TBC1D21: variants seen among roughly 807,000 people sequenced by gnomAD.
TBC1D21 encodes the protein male germ cell Rab GTPase-activating protein.
TBC1D21 carries 38 observed loss-of-function variants against 46.0 expected under a neutral mutation model. The ratio of observed to expected loss-of-function variants is 0.83; its 90% CI spans 0.64 to 1.08. The LOEUF (loss-of-function observed/expected upper bound fraction) is 1.08. Among genes scored for constraint, TBC1D21 ranks in the 50% least tolerant of loss-of-function variants. The probability of loss-of-function intolerance (pLI) is 0.00; values close to 1 mark genes in which losing one functional copy is unlikely to be tolerated. For synonymous variants in TBC1D21, 151 were observed against 157.2 expected, an observed-to-expected ratio of 0.96 and a Z score of 0.29; for missense variants, 415 against 417.9, an observed-to-expected ratio of 0.99 and a Z score of 0.06.
At position 73,881,634 on chromosome 15, in the gene TBC1D21, C is replaced by A; in HGVS notation, c.169-10C>A. 1 of 1,613,040 alleles carries A rather than the reference C, an allele frequency of 6.2e-7. No homozygotes were observed. The highest frequency in any genetic ancestry group is 8.5e-7 in the Non-Finnish European group (1 of 1,179,298). The stretch of plus-strand genomic sequence containing the variant: ...GAGCCCATGACCTCCACCTCCCACC[C>A]CCACCCCAGGGTCTGCACCCCTTCG... On this transcript the variant is annotated splice_polypyrimidine_tract_variant and intron_variant, in intron 2 of 10. Transcript: ENST00000300504.
In TBC1D21 at chr15:73,888,412, T is replaced by A; in HGVS notation, c.895-18T>A. On this transcript the variant is annotated intron_variant, in intron 9 of 10. Transcript: ENST00000300504. The stretch of plus-strand genomic sequence containing the variant: ...TTGCCCCAGCCCCACCCACAACTGC[T>A]CCCACACTCCCATGCAGGCCTGCAA... 1 of 1,611,556 alleles carries A rather than the reference T, an allele frequency of 6.2e-7. No individual in the cohort carries two copies. The highest frequency in any genetic ancestry group is 8.5e-7 in the Non-Finnish European group (1 of 1,178,618).
At chr15:73,876,279 G>A (rs1313556399) in intron 1 of TBC1D21, among the ~76,000 whole-genome samples, 1 of 134,932 alleles carries the variant, frequency 7.4e-6, no homozygotes, top group Non-Finnish European at 1.5e-5. Flanking sequence ...CCAGGCTGGA[G>A]TGCAGTGGTG....
rs114151228 is a variant in TBC1D21 at position 73,878,064 on chromosome 15, A to T, written c.61-3335A>T. ...TCAACATTGCACTTGAGTTCTAGCC[A>T]GTGCAGTAAAACAAGAAAAAATAAA... On this transcript the variant is annotated intron_variant, in intron 1 of 10. Coordinates refer to ENST00000300504, the MANE Select transcript of TBC1D21 (RefSeq NM_153356.3). Among the ~76,000 whole-genome samples the T allele has an allele frequency of 6.3e-3, 956 of 152,372 alleles. 13 individuals are homozygous for T. The highest frequency in any genetic ancestry group is 0.022 in the African/African-American group (922 of 41,590).
the TBC1D21 span, among the ~76,000 whole-genome samples, chr15:73,903,392 A>G: frequency 6.6e-6 from 1 of 152,088 alleles, no homozygotes; most frequent in African/African-American, 2.4e-5. Context: ...CAGATTTCCC[A>G]CCCCTCAATG....
intron 1 of TBC1D21, among the ~76,000 whole-genome samples, chr15:73,880,867 T>G (rs1362315324): frequency 1.3e-5 from 2 of 152,250 alleles, no homozygotes; most frequent in African/African-American, 4.8e-5. Context: ...AACTTTTTTG[T>G]ATTTTCTCAG....
At chr15:73,892,881 C>T (rs757508403), downstream of TBC1D21, among the ~76,000 whole-genome samples, 5 of 152,104 alleles carry the variant, frequency 3.3e-5, no homozygotes, top group Admixed American at 6.5e-5. Flanking sequence ...GTGATGATGG[C>T]GGTGATGGTG....
chr15:73,909,351 A>C, the TBC1D21 span, among the ~76,000 whole-genome samples: 42 of 144,484 alleles, frequency 2.9e-4, no homozygotes, highest in Non-Finnish European at 3.8e-4. Context: ...AGCCTGGGCG[A>C]CACAGCGAGA....
chr15:73,881,197 T>C (rs2068147550), intron 1 of TBC1D21, among the ~76,000 whole-genome samples: 1 of 152,266 alleles, frequency 6.6e-6, no homozygotes. Flanking sequence ...TTTTTCATGT[T>C]GGTGAGTAAT....
At position 73,887,610 on chromosome 15, in the gene TBC1D21, T is replaced by TG. The variant is rs2068272375; in HGVS notation, c.778-9dup. 6.2e-7 allele frequency: 1 copy of TG among 1,613,298 alleles called. No individual in the cohort carries two copies. Among genetic ancestry groups the TG allele is most frequent in the Non-Finnish European group, 8.5e-7 (1 of 1,179,408 alleles). On this transcript the variant is annotated splice_polypyrimidine_tract_variant and intron_variant, in intron 8 of 10. Coordinates refer to ENST00000300504, the MANE Select transcript of TBC1D21 (RefSeq NM_153356.3). The stretch of plus-strand genomic sequence containing the variant: ...CCACAGGGCCCAGACTGAGACGTCC[T>TG]GACCCACAGGTTCTGCTGACGGGGA...
chr15:73,883,345 G>A (rs993704004), intron 3 of TBC1D21, among the ~76,000 whole-genome samples: 1 of 152,232 alleles, frequency 6.6e-6, no homozygotes, highest in Non-Finnish European at 1.5e-5. Flanking sequence ...GGTGGCTTCC[G>A]ACAACAGAAA....
At chr15:73,884,381 G>A (rs1178578029) in intron 4 of TBC1D21, 136 bp downstream of exon 4, 3 of 817,670 alleles carry the variant, frequency 3.7e-6, no homozygotes, top group Non-Finnish European at 6.1e-6. Context: ...AGTTTCGCCA[G>A]CTGAACCTTG....
At chr15:73,873,796 G>A in intron 1 of TBC1D21, 27 bp downstream of exon 1, 2 of 1,604,506 alleles carry the variant, frequency 1.2e-6, no homozygotes, top group Non-Finnish European at 1.7e-6. Flanking sequence ...AGCTCTGAGT[G>A]CCTCCCTCCC....
chr15:73,884,070 G>A (rs1324567484), intron 3 of TBC1D21, 81 bp from the exon 4 acceptor site: 2 of 1,173,368 alleles, frequency 1.7e-6, no homozygotes, highest in Non-Finnish European at 2.6e-6. Flanking sequence ...TCTGCCTGGG[G>A]CCTGGTAGCT....
Position 73,889,204 on chromosome 15 carries a change from C to T in TBC1D21, c.*103C>T. 7.5e-7 allele frequency: 1 copy of T among 1,331,382 alleles called. No individual in the cohort carries two copies. The highest frequency in any genetic ancestry group is 1.1e-6 in the Non-Finnish European group (1 of 945,370). The allele number at this position is 1,331,382 out of a possible 1,614,324, so 82.5% of individuals were successfully genotyped here. On this transcript the variant is annotated 3_prime_UTR_variant, in exon 11 of 11. Transcript: ENST00000300504. ...TAAAACAGCTGCAATATAAACAGTC[C>T]TCTGGAATAATGGTTTGTGGTGGAT...
At chr15:73,889,512 T>G (rs1206341822), downstream of TBC1D21, among the ~76,000 whole-genome samples, 1 of 152,242 alleles carries the variant, frequency 6.6e-6, no homozygotes, top group Non-Finnish European at 1.5e-5. Context: ...TCATCTGGAC[T>G]TAGGTCCTGA....
At chr15:73,907,222 C>T in the TBC1D21 span, among the ~76,000 whole-genome samples, 66 of 152,250 alleles carry the variant, frequency 4.3e-4, no homozygotes, top group Non-Finnish European at 3.7e-4. Flanking sequence ...AAATATAGTT[C>T]CTTATTCTTT....
chr15:73,873,831 A>G, intron 1 of TBC1D21, 62 bp downstream of exon 1: 1 of 1,559,714 alleles, frequency 6.4e-7, no homozygotes, highest in Non-Finnish European at 8.8e-7. Flanking sequence ...CACTGGGACC[A>G]TTTTCCCCTG....
the TBC1D21 span, among the ~76,000 whole-genome samples, chr15:73,900,933 T>C: frequency 2.6e-5 from 4 of 152,202 alleles, no homozygotes; most frequent in African/African-American, 9.7e-5. Context: ...AAGACAGCAG[T>C]GTATGTAAAA....
the TBC1D21 span, among the ~76,000 whole-genome samples, chr15:73,898,880 A>AAATATATATATATATATATAT: frequency 1.4e-4 from 8 of 56,810 alleles, no homozygotes; most frequent in East Asian, 3.6e-4. Context: ...AAAAAAAAAA[A>AAATATATATATATATATATAT]ATATATATAT....
Sources: gnomAD v4.1 joint callset for allele counts (sites outside exome capture counted in the v4.1 genomes callset) on GRCh38, gnomAD v4.1.1 for gene constraint, MANE v1.5 for transcripts, NCBI Gene and HGNC (gene_info 2026-07-23, HGNC 2026-07-21) for gene names.